Variants in SOX5 observed in about 807,000 individuals in gnomAD.
SOX5 encodes transcription factor SOX-5.
In SOX5, 9 loss-of-function variants were observed where a neutral mutation model predicts 92.0. The ratio of observed to expected loss-of-function variants is 0.10; its 90% CI spans 0.06 to 0.17. The LOEUF (loss-of-function observed/expected upper bound fraction) is 0.17, where lower values mean the gene tolerates loss of function less well. Among genes scored for constraint, SOX5 ranks in the 10% least tolerant of loss-of-function variants. The probability of loss-of-function intolerance (pLI) is 1.00; values close to 1 mark genes in which losing one functional copy is unlikely to be tolerated. For missense variants in SOX5, 642 were observed against 944.5 expected, an observed-to-expected ratio of 0.68 and a Z score of 4.20; for synonymous variants, 344 against 336.3, an observed-to-expected ratio of 1.02 and a Z score of -0.25.
chr12:24,365,164 A>G (rs1054438557), intron 2 of SOX5, among the ~76,000 whole-genome samples: 1 of 152,106 alleles, frequency 6.6e-6, no homozygotes, highest in East Asian at 1.9e-4. Flanking sequence ...AAAAGGTGAC[A>G]CACTGTAACG....
intron 4 of SOX5, among the ~76,000 whole-genome samples, chr12:24,047,374 A>G (rs1437427522): frequency 6.6e-6 from 1 of 152,252 alleles, no homozygotes; most frequent in Non-Finnish European, 1.5e-5. Context: ...TTGAGGTTAC[A>G]CACAATTTTG....
chr12:24,238,907 T>C (rs944940967), intron 3 of SOX5, among the ~76,000 whole-genome samples: 3 of 152,206 alleles, frequency 2.0e-5, no homozygotes, highest in Non-Finnish European at 4.4e-5. Flanking sequence ...CTTAATCACA[T>C]ATAAACTGCC....
intron 6 of SOX5, among the ~76,000 whole-genome samples, chr12:23,668,924 C>T (rs2084302742): frequency 6.6e-6 from 1 of 152,180 alleles, no homozygotes; most frequent in South Asian, 2.1e-4. Context: ...CTATCAATTA[C>T]TCATAGTTAA....
chr12:24,474,986 G>T (rs894179680), intron 1 of SOX5, among the ~76,000 whole-genome samples: 2 of 152,054 alleles, frequency 1.3e-5, no homozygotes, highest in Non-Finnish European at 2.9e-5. Context: ...GAGTAGCTGG[G>T]ATTACAGGCA....
At chr12:23,560,635 T>G (rs1392877671) in intron 11 of SOX5, among the ~76,000 whole-genome samples, 2 of 152,218 alleles carry the variant, frequency 1.3e-5, no homozygotes, top group Non-Finnish European at 2.9e-5. Flanking sequence ...GCAGAGCTCA[T>G]ATTTTCTGGT....
chr12:23,802,984 C>A (rs529791519), intron 3 of SOX5, among the ~76,000 whole-genome samples: 1 of 152,150 alleles, frequency 6.6e-6, no homozygotes, highest in African/African-American at 2.4e-5. Context: ...AAACTACATT[C>A]AATCTTAACT....
chr12:24,241,828 G>A (rs1965618158), intron 3 of SOX5, among the ~76,000 whole-genome samples: 1 of 152,238 alleles, frequency 6.6e-6, no homozygotes, highest in South Asian at 2.1e-4. Context: ...ATAAGTATTG[G>A]TTGGTTCATG....
intron 6 of SOX5, among the ~76,000 whole-genome samples, chr12:23,687,900 A>C (rs1043414149): frequency 2.6e-5 from 4 of 151,792 alleles, no homozygotes; most frequent in Non-Finnish European, 2.9e-5. Flanking sequence ...TTTTAACAAA[A>C]AGGTTTTGTT....
At chr12:24,409,935 T>C (rs984658097) in intron 1 of SOX5, among the ~76,000 whole-genome samples, 4 of 152,122 alleles carry the variant, frequency 2.6e-5, no homozygotes, top group African/African-American at 9.7e-5. Flanking sequence ...TTTATTCCAA[T>C]CTGTAGCTTG....
At chr12:23,637,318 C>T (rs555477314) in intron 8 of SOX5, among the ~76,000 whole-genome samples, 5 of 152,058 alleles carry the variant, frequency 3.3e-5, no homozygotes, top group Non-Finnish European at 5.9e-5. Context: ...AAAACATACA[C>T]GAACAGATTA....
At chr12:24,384,238 G>A (rs942942242) in intron 1 of SOX5, among the ~76,000 whole-genome samples, 30 of 152,050 alleles carry the variant, frequency 2.0e-4, no homozygotes, top group Admixed American at 1.7e-3. Flanking sequence ...TAGATCCCTC[G>A]CATGCACAGT....
In SOX5 at chr12:23,689,267, A is replaced by G. The variant is rs116246337; in HGVS notation, c.811-23703T>C. 5.2e-3 allele frequency among the ~76,000 whole-genome samples: 795 copies of G among 152,012 alleles called. 9 individuals are homozygous for G. Among genetic ancestry groups the G allele is most frequent in the African/African-American group, 0.018 (740 of 41,364 alleles). ...AGCTACTTTCTGATATCCAAATTGT[A>G]TATTCTTAATTAGATTTTTTTGTTG... On this transcript the variant is annotated intron_variant, in intron 6 of 14. Coordinates refer to ENST00000451604, the MANE Select transcript of SOX5 (RefSeq NM_006940.6).
At chr12:24,179,330 G>C (rs1038828596) in intron 4 of SOX5, among the ~76,000 whole-genome samples, 1 of 152,094 alleles carries the variant, frequency 6.6e-6, no homozygotes, top group Non-Finnish European at 1.5e-5. Context: ...AAAATAGTTC[G>C]ACTTACAATT....
intron 4 of SOX5, among the ~76,000 whole-genome samples, chr12:24,049,386 C>G (rs1957335853): frequency 6.6e-6 from 1 of 152,160 alleles, no homozygotes; most frequent in Non-Finnish European, 1.5e-5. Context: ...TCTAAACTGA[C>G]CAGTGATTTG....
chr12:24,429,621 CACAT>C (rs940710442), intron 1 of SOX5, among the ~76,000 whole-genome samples: 5 of 148,760 alleles, frequency 3.4e-5, no homozygotes, highest in African/African-American at 1.0e-4. Flanking sequence ...TACACACACA[CACAT>C]ACACACACAC....
At chr12:23,833,085 G>A (rs2096356248) in intron 3 of SOX5, among the ~76,000 whole-genome samples, 1 of 151,920 alleles carries the variant, frequency 6.6e-6, no homozygotes, top group African/African-American at 2.4e-5. Context: ...CCCCAAAAAT[G>A]TACAAATACA....
At chr12:24,437,327 G>A (rs1209915963) in intron 1 of SOX5, among the ~76,000 whole-genome samples, 1 of 152,036 alleles carries the variant, frequency 6.6e-6, no homozygotes, top group African/African-American at 2.4e-5. Flanking sequence ...AACTCAAGAA[G>A]GATTAAAGAC....
At chr12:23,949,766 GTCTC>G (rs143438082), upstream of SOX5, 11,789 of 461,396 alleles carry the variant, frequency 0.026, 123 homozygotes, top group African/African-American at 0.11. Context: ...CTCTCTCTCT[GTCTC>G]TCTCTCTCTC....
At chr12:23,953,475 A>G (rs1945916013), upstream of SOX5, among the ~76,000 whole-genome samples, 3 of 152,078 alleles carry the variant, frequency 2.0e-5, no homozygotes, top group Non-Finnish European at 4.4e-5. Flanking sequence ...AGGTTTCAAA[A>G]TACATCTGGG....
Sources: gnomAD v4.1 joint callset for allele counts (sites outside exome capture counted in the v4.1 genomes callset) on GRCh38, gnomAD v4.1.1 for gene constraint, MANE v1.5 for transcripts, NCBI Gene and HGNC (gene_info 2026-07-23, HGNC 2026-07-21) for gene names.